Variants in TRPM3 observed in about 807,000 individuals in gnomAD.
TRPM3 encodes the protein long transient receptor potential channel 3.
In TRPM3, 77 loss-of-function variants were observed where a neutral mutation model predicts 181.2. The ratio of observed to expected loss-of-function variants is 0.42; its 90% CI spans 0.35 to 0.51. The LOEUF (loss-of-function observed/expected upper bound fraction) is 0.51, where lower values mean the gene tolerates loss of function less well. TRPM3 is among the 20% of genes least tolerant of loss of function. The pLI is 0.01. For missense variants in TRPM3, 1,759 were observed against 2,196.7 expected (o/e 0.80, Z 3.98); for synonymous variants, 745 against 796.4 (o/e 0.94, Z 1.09).
chr9:70,598,816 C>T (rs917900623), intron 20 of TRPM3, 146 bp from the exon 21 acceptor site: 13 of 957,532 alleles, frequency 1.4e-5, no homozygotes, highest in South Asian at 6.9e-5. Flanking sequence ...TGTAAAAGTC[C>T]GACTGAGCTA....
At chr9:71,220,372 TTATTATTA>T (rs2080164229) in intron 1 of TRPM3, among the ~76,000 whole-genome samples, 1 of 150,266 alleles carries the variant, frequency 6.7e-6, no homozygotes. Context: ...ATTATTATTA[TTATTATTA>T]TTATTATTAT....
chr9:70,811,030 T>C, intron 6 of TRPM3: 1 of 685,196 alleles, frequency 1.5e-6, no homozygotes. Flanking sequence ...TCTGATGTGG[T>C]TGAATGTCAG....
intron 1 of TRPM3, among the ~76,000 whole-genome samples, chr9:71,140,407 T>A (rs1195869573): frequency 6.6e-6 from 1 of 152,114 alleles, no homozygotes; most frequent in Non-Finnish European, 1.5e-5. Flanking sequence ...AAAGACATAG[T>A]GTGGGGTTTG....
chr9:71,358,443 C>T (rs1361440738), intron 1 of TRPM3, among the ~76,000 whole-genome samples: 1 of 152,044 alleles, frequency 6.6e-6, no homozygotes, highest in Non-Finnish European at 1.5e-5. Flanking sequence ...ATCAGCAATA[C>T]TGGAAAAACA....
At chr9:71,111,259 A>G (rs2071011828) in intron 1 of TRPM3, among the ~76,000 whole-genome samples, 1 of 152,200 alleles carries the variant, frequency 6.6e-6, no homozygotes, top group African/African-American at 2.4e-5. Flanking sequence ...AAAATGAAAA[A>G]GAAAGTGTGT....
intron 1 of TRPM3, among the ~76,000 whole-genome samples, chr9:71,316,962 A>G (rs2088659480): frequency 6.6e-6 from 1 of 152,174 alleles, no homozygotes. Flanking sequence ...TTCTAGTAAG[A>G]AAATTTGCAC....
intron 1 of TRPM3, among the ~76,000 whole-genome samples, chr9:71,308,281 T>C (rs1332648629): frequency 1.3e-5 from 2 of 152,204 alleles, no homozygotes; most frequent in Admixed American, 6.5e-5. Context: ...TATTTGTTTC[T>C]TTAAAAAAAA....
chr9:70,668,699 AAACATAGT>A (rs1253170485), intron 9 of TRPM3, among the ~76,000 whole-genome samples: 29 of 144,076 alleles, frequency 2.0e-4, no homozygotes, highest in Non-Finnish European at 4.0e-4. Context: ...AAAAAAAAAG[AAACATAGT>A]AACTTCTATA....
chr9:71,142,537 C>T (rs2075169349), intron 1 of TRPM3, among the ~76,000 whole-genome samples: 1 of 152,036 alleles, frequency 6.6e-6, no homozygotes, highest in South Asian at 2.1e-4. Flanking sequence ...CACTTATACA[C>T]ACATACACAC....
chr9:71,350,987 T>G (rs1015887502), intron 1 of TRPM3, among the ~76,000 whole-genome samples: 10 of 152,154 alleles, frequency 6.6e-5, no homozygotes, highest in Non-Finnish European at 1.3e-4. Context: ...TTCTGGAAAT[T>G]AGGAATGACT....
intron 1 of TRPM3, among the ~76,000 whole-genome samples, chr9:70,873,655 C>G (rs1045773986): frequency 6.6e-6 from 1 of 151,932 alleles, no homozygotes; most frequent in Non-Finnish European, 1.5e-5. Flanking sequence ...ACATTGTGTT[C>G]CTTGATGGGC....
At chr9:71,324,233 A>G (rs2089476295) in intron 1 of TRPM3, among the ~76,000 whole-genome samples, 1 of 152,156 alleles carries the variant, frequency 6.6e-6, no homozygotes, top group South Asian at 2.1e-4. Flanking sequence ...AACTAGGAAA[A>G]TGATAAGTAA....
chr9:71,139,789 C>G (rs996377166), intron 1 of TRPM3, among the ~76,000 whole-genome samples: 1 of 152,160 alleles, frequency 6.6e-6, no homozygotes, highest in Non-Finnish European at 1.5e-5. Flanking sequence ...ACCTAACTGA[C>G]ATTCTCAACC....
intron 1 of TRPM3, among the ~76,000 whole-genome samples, chr9:71,150,669 C>T (rs1228928978): frequency 6.6e-6 from 1 of 152,096 alleles, no homozygotes; most frequent in Non-Finnish European, 1.5e-5. Flanking sequence ...CCTACAACCA[C>T]AAAGGGCTAG....
intron 6 of TRPM3, among the ~76,000 whole-genome samples, chr9:70,815,884 T>C (rs1003841766): frequency 1.3e-5 from 2 of 152,324 alleles, no homozygotes; most frequent in African/African-American, 2.4e-5. Context: ...TATGAAATGA[T>C]GGAGGAAAAA....
chr9:70,910,991 T>C (rs893959628), intron 1 of TRPM3, among the ~76,000 whole-genome samples: 2 of 152,210 alleles, frequency 1.3e-5, no homozygotes, highest in African/African-American at 4.8e-5. Flanking sequence ...TCAGAAATAG[T>C]AGTCTTATGG....
intron 1 of TRPM3, among the ~76,000 whole-genome samples, chr9:71,142,603 T>C (rs973794731): frequency 1.2e-4 from 19 of 152,124 alleles, no homozygotes; most frequent in African/African-American, 4.6e-4. Flanking sequence ...AATTTTAATA[T>C]TGAAACCAGG....
At chr9:70,699,718 T>A (rs2071774062) in intron 8 of TRPM3, among the ~76,000 whole-genome samples, 1 of 152,140 alleles carries the variant, frequency 6.6e-6, no homozygotes, top group South Asian at 2.1e-4. Context: ...TAAAACACTG[T>A]TAGAGGTAAC....
chr9:71,059,120 A>G (rs1340066797), intron 1 of TRPM3, among the ~76,000 whole-genome samples: 1 of 143,158 alleles, frequency 7.0e-6, no homozygotes, highest in African/African-American at 2.5e-5. Context: ...GAGGAGAAAG[A>G]CTTGTTAAAG....
Sources: allele counts gnomAD v4.1 joint callset (sites outside exome capture counted in the v4.1 genomes callset), GRCh38; gene constraint gnomAD v4.1.1; transcripts MANE v1.5; gene names NCBI Gene and HGNC (gene_info 2026-07-23, HGNC 2026-07-21).